Variants in ATXN7L1 observed in about 807,000 individuals in gnomAD.
ATXN7L1 encodes the protein ataxin-7-like protein 1.
A neutral mutation model predicts 70.8 loss-of-function variants in ATXN7L1; 15 were observed. The ratio of observed to expected loss-of-function variants is 0.21; its 90% CI spans 0.14 to 0.33. The LOEUF is 0.33. ATXN7L1 is among the 10% of genes least tolerant of loss of function. The pLI, the probability that ATXN7L1 is intolerant of heterozygous loss-of-function variation, is 1.00. For synonymous variants in ATXN7L1, 440 were observed against 445.1 expected, an observed-to-expected ratio of 0.99 and a Z score of 0.14; for missense variants, 975 against 1,097.1, an observed-to-expected ratio of 0.89 and a Z score of 1.57.
intron 2 of ATXN7L1, among the ~76,000 whole-genome samples, chr7:105,870,780 C>T (rs1381755555): frequency 6.6e-6 from 1 of 152,144 alleles, no homozygotes; most frequent in Non-Finnish European, 1.5e-5. Flanking sequence ...CTCTCATAAA[C>T]ACCTTTCACA....
At chr7:105,655,680 T>A (rs188779066) in intron 4 of ATXN7L1, among the ~76,000 whole-genome samples, 1 of 152,194 alleles carries the variant, frequency 6.6e-6, no homozygotes, top group East Asian at 1.9e-4. Flanking sequence ...CAGGAAGAGA[T>A]AAGCCGCCCA....
At chr7:105,638,863 G>T (rs1427068316) in intron 6 of ATXN7L1, among the ~76,000 whole-genome samples, 1 of 152,144 alleles carries the variant, frequency 6.6e-6, no homozygotes, top group Non-Finnish European at 1.5e-5. Context: ...CTTCAGCGCA[G>T]AACCCATGAA....
chr7:105,728,078 A>C (rs1040338249), intron 3 of ATXN7L1, among the ~76,000 whole-genome samples: 3 of 152,092 alleles, frequency 2.0e-5, no homozygotes, highest in African/African-American at 7.2e-5. Flanking sequence ...TTCTTTGTGA[A>C]TTTATTATCT....
At chr7:105,847,447 G>C (rs1261964573) in intron 2 of ATXN7L1, among the ~76,000 whole-genome samples, 2 of 152,214 alleles carry the variant, frequency 1.3e-5, no homozygotes, top group African/African-American at 4.8e-5. Flanking sequence ...TGGAAGCCTA[G>C]AGAACAGGTC....
At chr7:105,866,537 C>T (rs377149123) in intron 2 of ATXN7L1, among the ~76,000 whole-genome samples, 7 of 152,146 alleles carry the variant, frequency 4.6e-5, no homozygotes, top group Non-Finnish European at 1.0e-4. Context: ...TAGCCTCAGC[C>T]CACTTGCAAG....
chr7:105,645,280 A>C (rs577287859), intron 4 of ATXN7L1, among the ~76,000 whole-genome samples: 1 of 152,360 alleles, frequency 6.6e-6, no homozygotes, highest in East Asian at 1.9e-4. Flanking sequence ...CCACAATTAA[A>C]AATGTTTTAC....
intron 3 of ATXN7L1, among the ~76,000 whole-genome samples, chr7:105,718,113 C>A (rs1401901156): frequency 6.6e-6 from 1 of 152,158 alleles, no homozygotes; most frequent in Admixed American, 6.5e-5. Context: ...CAAAACCTCT[C>A]CCCTTTTAAA....
intron 3 of ATXN7L1, among the ~76,000 whole-genome samples, chr7:105,747,550 T>C (rs1304847143): frequency 2.0e-5 from 3 of 152,164 alleles, no homozygotes; most frequent in Non-Finnish European, 4.4e-5. Context: ...TTCCCTGAGT[T>C]CTGTGAGCCA....
At chr7:105,871,924 T>C (rs1818327031) in intron 2 of ATXN7L1, among the ~76,000 whole-genome samples, 1 of 152,094 alleles carries the variant, frequency 6.6e-6, no homozygotes, top group South Asian at 2.1e-4. Flanking sequence ...GTAATCAAGT[T>C]ATTCAAAAAG....
rs561100060 is a variant in ATXN7L1 at position 105,641,214 on chromosome 7, C to CTTTTT, written c.862+1619_862+1623dup. Among the ~76,000 whole-genome samples the CTTTTT allele has an allele frequency of 9.9e-3, 215 of 21,766 alleles. 19 individuals are homozygous for CTTTTT. The highest frequency in any genetic ancestry group is 0.034 in the African/African-American group (203 of 6,026). 14.3% of individuals were successfully genotyped at this position (21,766 alleles called of 152,430 possible). On this transcript the variant is annotated intron_variant, in intron 5 of 11. Transcript: ENST00000419735. ...GCCTTTTCTCTCTCTCTCTCTCTCT[C>CTTTTT]TTTTTTTTTTTTTTTTTTTTTTTTT...
intron 3 of ATXN7L1, among the ~76,000 whole-genome samples, chr7:105,734,877 G>C (rs1001716341): frequency 6.6e-6 from 1 of 152,164 alleles, no homozygotes; most frequent in Non-Finnish European, 1.5e-5. Context: ...CAAGCAAAGA[G>C]AGAATACCTA....
intron 2 of ATXN7L1, chr7:105,875,026 A>G (rs1221269404): frequency 6.6e-6 from 1 of 152,510 alleles, no homozygotes; most frequent in African/African-American, 2.4e-5. Context: ...TTTGCTTAGC[A>G]GCAAGTGGCC....
At chr7:105,640,196 G>A (rs1294509354) in intron 5 of ATXN7L1, among the ~76,000 whole-genome samples, 1 of 152,254 alleles carries the variant, frequency 6.6e-6, no homozygotes, top group Admixed American at 6.5e-5. Flanking sequence ...CACTCTAGCA[G>A]TGTTACAGGC....
chr7:105,715,876 G>A (rs1794474490), intron 3 of ATXN7L1, among the ~76,000 whole-genome samples: 1 of 152,146 alleles, frequency 6.6e-6, no homozygotes, highest in African/African-American at 2.4e-5. Context: ...TCCATTTCTG[G>A]GCATATGGAT....
intron 3 of ATXN7L1, chr7:105,760,838 G>GC (rs5886369): frequency 0.085 from 13,305 of 156,810 alleles, 950 homozygotes; most frequent in African/African-American, 0.2. Flanking sequence ...ATGTGCAAGG[G>GC]CCTGTGGCAG....
At chr7:105,754,569 TC>T (rs1316683387) in intron 3 of ATXN7L1, among the ~76,000 whole-genome samples, 1 of 151,834 alleles carries the variant, frequency 6.6e-6, no homozygotes, top group Non-Finnish European at 1.5e-5. Context: ...CAAGGGACCC[TC>T]CCACCTCAGC....
At chr7:105,867,467 G>A (rs1251462058) in intron 2 of ATXN7L1, among the ~76,000 whole-genome samples, 1 of 152,174 alleles carries the variant, frequency 6.6e-6, no homozygotes, top group East Asian at 1.9e-4. Flanking sequence ...AGTGAAGGAG[G>A]GTTGGGCCAC....
At chr7:105,653,683 A>C (rs1800191595) in intron 4 of ATXN7L1, among the ~76,000 whole-genome samples, 5 of 152,136 alleles carry the variant, frequency 3.3e-5, no homozygotes, top group South Asian at 4.1e-4. Context: ...TGACCATGAA[A>C]GTCTTTGTGG....
At position 105,718,340 on chromosome 7, in the gene ATXN7L1, T is replaced by G. The variant is rs138332022; in HGVS notation, c.356-53052A>C. On this transcript the variant is annotated intron_variant, in intron 3 of 11. Transcript: ENST00000419735. ...AGAATTGGAGCCAGCAAGTAAGCAG[T>G]CCGAATTCCGAGTTCCTGGGTGCCA... Among the ~76,000 whole-genome samples, 115 of 152,254 alleles carry G rather than the reference T, an allele frequency of 7.6e-4. 1 individual carries two copies. In the East Asian group the frequency reaches 0.02, roughly 27 times the overall value.
Sources: allele counts gnomAD v4.1 joint callset (sites outside exome capture counted in the v4.1 genomes callset), GRCh38; gene constraint gnomAD v4.1.1; transcripts MANE v1.5; gene names NCBI Gene and HGNC (gene_info 2026-07-23, HGNC 2026-07-21).